Variants in WDR91 observed in about 807,000 individuals in gnomAD.
The protein encoded by WDR91 is WD repeat domain 91.
WDR91 carries 52 observed loss-of-function variants against 88.4 expected under a neutral mutation model. The observed-to-expected ratio is 0.59, with a 90% confidence interval of 0.47 to 0.74. The LOEUF is 0.74. WDR91 is among the 30% of genes least tolerant of loss of function. The pLI, the probability that WDR91 is intolerant of heterozygous loss-of-function variation, is 0.00. For missense variants in WDR91, 824 were observed against 954.5 expected (o/e 0.86, Z 1.80); for synonymous variants, 362 against 389.5 (o/e 0.93, Z 0.83).
rs1380414109 is a variant in WDR91 at position 135,187,140 on chromosome 7, G to T, written c.1911C>A (p.Gly637=). Residue 637 remains glycine (G), a synonymous_variant, in exon 14 of 15, where the codon GGC becomes GGA. Transcript: ENST00000354475. The part of the protein sequence containing the change: ...KFIQWNIHKS[G]LKVSEYSLPS... ...GGAGGCTGTACTCGGATACCTTGAG[G>T]CCACTCTTGTGGATGTTCCACTGGA... 1 of 1,614,082 alleles carries T rather than the reference G, an allele frequency of 6.2e-7. No individual in the cohort carries two copies. The highest frequency in any genetic ancestry group is 1.3e-5 in the African/African-American group (1 of 74,932).
intron 12 of WDR91, 144 bp downstream of exon 12, chr7:135,189,200 C>A: frequency 1.6e-6 from 1 of 638,062 alleles, no homozygotes; most frequent in Non-Finnish European, 2.7e-6. Context: ...AAACGTTGAC[C>A]AAAGTTAAGC....
chr7:135,196,260 T>C lies in WDR91; in HGVS notation c.1128A>G (p.Pro376=). ...CPELHTEPVE[P]LTRASSAGPE... ...GGCCTGCCGAGGATGCCCGAGTCAG[T>C]GGCTCCACTGGCTCCGTGTGGAGCT... Residue 376 remains proline, a synonymous_variant, in exon 8 of 15, where the codon CCA becomes CCG. Coordinates refer to ENST00000354475, the MANE Select transcript of WDR91 (RefSeq NM_014149.4). The surrounding 1 kb of genome is among the most constrained non-coding windows in gnomAD (Gnocchi z 4.2). The C allele has an allele frequency of 6.2e-7, 1 of 1,611,718 alleles. No individual in the cohort carries two copies. Among genetic ancestry groups the C allele is most frequent in the Non-Finnish European group, 8.5e-7 (1 of 1,178,866 alleles).
At position 135,196,311 on chromosome 7, in the gene WDR91, A is replaced by G; in HGVS notation, c.1077T>C (p.Ser359=). ...SQCAEKKPEA[S]GPEAEPCPEL... ...CTGGGCAGGGCTCAGCCTCTGGGCC[A>G]CTGGCTTCTGGTTTCTTCTCTGCAC... The change falls in exon 8 of 15, where the codon AGT becomes AGC. Residue 359 remains serine (S), a synonymous_variant. Coordinates refer to ENST00000354475, the MANE Select transcript of WDR91 (RefSeq NM_014149.4). This position sits in a 1 kb window ranked among gnomAD's most constrained non-coding sequence, Gnocchi z 4.2. 6.3e-7 allele frequency: 1 copy of G among 1,581,554 alleles called. No individual in the cohort carries two copies. The highest frequency in any genetic ancestry group is 1.2e-5 in the South Asian group (1 of 86,636).
intron 9 of WDR91, chr7:135,193,875 A>G: frequency 1.8e-6 from 1 of 569,624 alleles, no homozygotes; most frequent in Middle Eastern, 4.7e-4. Context: ...TGAACTTCTA[A>G]GCAAAACCAC....
rs775060962 is a variant in WDR91 at position 135,196,120 on chromosome 7, T to C, written c.1244+24A>G. 4 of 1,473,766 alleles carry C rather than the reference T, an allele frequency of 2.7e-6. No individual in the cohort carries two copies. 91.3% of individuals were successfully genotyped at this position (1,473,766 alleles called of 1,614,324 possible). A position where few individuals can be genotyped will look rare whatever the true frequency, so the allele number is the denominator to read the frequency against. On this transcript the variant is annotated intron_variant, in intron 8 of 14. Transcript: ENST00000354475. The surrounding 1 kb of genome is among the most constrained non-coding windows in gnomAD (Gnocchi z 4.2). ...CTGAAAATCTGAGCTTCCCAGGGTT[T>C]CCTTGGCCCCAGGCCCAACCCACCT...
In WDR91 at chr7:135,188,500, C is replaced by T. The variant is rs1018337525; in HGVS notation, c.1814G>A (p.Gly605Glu). The change falls in exon 13 of 15, where the codon GGG (glycine) becomes GAG (glutamate). Residue 605 changes from glycine (G) to glutamate (E), a missense_variant. By Grantham distance (98) the Gly-to-Glu change is moderately conservative (BLOSUM62 -2). Coordinates refer to ENST00000354475, the MANE Select transcript of WDR91 (RefSeq NM_014149.4). Reference sequence around the variant, plus strand: ...GCTGAACTCCACAGAGTAGACCTCCCCGTAGTGGGCCCTCCAGCTCATCGC... The same window carrying T: ...GCTGAACTCCACAGAGTAGACCTCCTCGTAGTGGGCCCTCCAGCTCATCGC... ...ECAMSWRAHY[G>E]EVYSVEFSYD... 1 of 1,614,062 alleles carries T rather than the reference C, an allele frequency of 6.2e-7. No homozygotes were observed. The highest frequency in any genetic ancestry group is 8.5e-7 in the Non-Finnish European group (1 of 1,180,012).
rs56089432 is a variant in WDR91, at chr7:135,192,114, T to TGTTTTG, written c.1659+1116_1659+1117insCAAAAC. Among the ~76,000 whole-genome samples the TGTTTTG allele has an allele frequency of 2.5e-4, 35 of 140,300 alleles. 10 individuals are homozygous for TGTTTTG. The highest frequency in any genetic ancestry group is 1.7e-3 in the East Asian group (8 of 4,782). 92.0% of individuals were successfully genotyped at this position (140,300 alleles called of 152,430 possible). A position where few individuals can be genotyped will look rare whatever the true frequency, so the allele number is the denominator to read the frequency against. ...GAACCCCAATTTCTGTTGTGTTTTT[T>TGTTTTG]TTTTTTTTTTTTTTTTTTTTTGAGA... On this transcript the variant is annotated intron_variant, in intron 11 of 14. Coordinates refer to ENST00000354475, the MANE Select transcript of WDR91 (RefSeq NM_014149.4).
rs534089255 is a variant in WDR91, at chr7:135,190,552, C to T, written c.1660-1100G>A. On this transcript the variant is annotated intron_variant, in intron 11 of 14. Coordinates refer to ENST00000354475, the MANE Select transcript of WDR91 (RefSeq NM_014149.4). ...AGACAACAGAGCAGAATCAGACCCA[C>T]AAAGACTTCAGACATTAGATTTATA... 2.4e-4 allele frequency among the ~76,000 whole-genome samples: 36 copies of T among 151,936 alleles called. No individual in the cohort carries two copies. In the South Asian group the frequency reaches 3.7e-3, roughly 16 times the overall value.
intron 5 of WDR91, among the ~76,000 whole-genome samples, chr7:135,204,767 C>T (rs1416222977): frequency 2.0e-5 from 3 of 152,148 alleles, no homozygotes; most frequent in Non-Finnish European, 4.4e-5. Context: ...AAAATTGACA[C>T]TGGAATTCAA....
chr7:135,201,697 G>A (rs1220910456), intron 6 of WDR91: 2 of 152,210 alleles, frequency 1.3e-5, no homozygotes, highest in Non-Finnish European at 2.9e-5. Context: ...GGGCTCTGGT[G>A]TGGTAGCAGC....
chr7:135,189,263 G>T, intron 12 of WDR91, 81 bp downstream of exon 12: 1 of 1,273,420 alleles, frequency 7.9e-7, no homozygotes, highest in Non-Finnish European at 1.1e-6. Flanking sequence ...AGCCCAGCTG[G>T]CAAAAAAATC....
At chr7:135,186,882 G>A (rs1349075596) in intron 14 of WDR91, 90 bp downstream of exon 14, 2 of 1,478,182 alleles carry the variant, frequency 1.4e-6, no homozygotes, top group African/African-American at 2.8e-5. Flanking sequence ...CGGGGTAGAG[G>A]GCCTCGCTCA....
intron 6 of WDR91, among the ~76,000 whole-genome samples, chr7:135,201,178 AC>A (rs952572779): frequency 1.3e-5 from 2 of 152,162 alleles, no homozygotes; most frequent in Non-Finnish European, 2.9e-5. Context: ...TCCATGGCTC[AC>A]CAAGTGGGTG....
Position 135,189,412 on chromosome 7 carries a change from CAGTTGAT to C in WDR91, c.1693_1699del (p.Ile565ValfsTer32). The C allele has an allele frequency of 6.2e-7, 1 of 1,613,994 alleles. No individual in the cohort carries two copies. Among genetic ancestry groups the C allele is most frequent in the Non-Finnish European group, 8.5e-7 (1 of 1,179,882 alleles). On this transcript the variant is annotated frameshift_variant, in exon 12 of 15. Coordinates refer to ENST00000354475, the MANE Select transcript of WDR91 (RefSeq NM_014149.4). LOFTEE classifies it high-confidence loss of function. ...GTTCCCGTTGTGATTGAAGGCTGTA[CAGTTGAT>C]AGCAATGGGTTCTGGATCCAGGGAG...
intron 2 of WDR91, 101 bp from the exon 3 acceptor site, chr7:135,209,099 G>T: frequency 1.0e-6 from 1 of 966,434 alleles, no homozygotes; most frequent in Non-Finnish European, 1.5e-6. Flanking sequence ...CTATCAGCCT[G>T]CCAGGTAAGT....
chr7:135,208,721 A>T (rs1831898160), intron 3 of WDR91, 70 bp downstream of exon 3: 1 of 1,395,436 alleles, frequency 7.2e-7, no homozygotes, highest in Non-Finnish European at 9.7e-7. Flanking sequence ...TATGGAGACC[A>T]GCGGGCTACT....
chr7:135,192,054 C>T (rs1284271667), intron 11 of WDR91, among the ~76,000 whole-genome samples: 1 of 150,568 alleles, frequency 6.6e-6, no homozygotes, highest in Non-Finnish European at 1.5e-5. Flanking sequence ...TATGGACTGA[C>T]TGTGTGAGCA....
Position 135,194,980 on chromosome 7 carries a change from T to C in WDR91, c.1349A>G (p.Lys450Arg). 6.2e-7 allele frequency: 1 copy of C among 1,614,162 alleles called. No homozygotes were observed. Among genetic ancestry groups the C allele is most frequent in the Non-Finnish European group, 8.5e-7 (1 of 1,180,042 alleles). The change falls in exon 9 of 15, where the codon AAA becomes AGA. Residue 450 changes from lysine to arginine, a missense_variant. Physicochemically the swap from Lys to Arg is conservative, Grantham distance 26. Transcript: ENST00000354475. Reference protein sequence around the residue: ...IMQTKASSISKSPLLSLEWAT... With the variant: ...IMQTKASSISRSPLLSLEWAT... ...CCATTCCAAAGACAGCAGCGGTGAT[T>C]TGGAAATGGAGGATGCTTTGGTCTG...
chr7:135,195,454 A>G (rs909664507), intron 8 of WDR91, among the ~76,000 whole-genome samples: 2 of 152,246 alleles, frequency 1.3e-5, no homozygotes, highest in Middle Eastern at 3.2e-3. Context: ...CGAGAAACCC[A>G]TCTACAGCTG....
Sources: gnomAD v4.1 joint callset for allele counts (sites outside exome capture counted in the v4.1 genomes callset) on GRCh38, gnomAD v4.1.1 for gene constraint, Gnocchi (gnomAD v3.1) non-coding constraint, MANE v1.5 for transcripts, NCBI Gene and HGNC (gene_info 2026-07-23, HGNC 2026-07-21) for gene names.